The following ZNF540 variants were observed in gnomAD, a reference collection of about 807,000 sequenced individuals.
ZNF540 encodes zinc finger protein 540, also known as CTD-3064H18.6.
A neutral mutation model predicts 11.8 loss-of-function variants in ZNF540; 3 were observed. The observed-to-expected ratio is 0.25, with a 90% CI of 0.12 to 0.65. The LOEUF (loss-of-function observed/expected upper bound fraction) is 0.65, where lower values mean the gene tolerates loss of function less well. Ranked by LOEUF, ZNF540 falls within the 30% of genes least tolerant of loss-of-function variation. ZNF540 has a pLI of 0.83. For missense variants in ZNF540, 709 were observed against 793.1 expected (o/e 0.89, Z 1.27); for synonymous variants, 247 against 259.0 (o/e 0.95, Z 0.45).
intron 3 of ZNF540, among the ~76,000 whole-genome samples, chr19:37,600,073 G>A (rs2044027202): frequency 6.6e-6 from 1 of 152,176 alleles, no homozygotes; most frequent in South Asian, 2.1e-4. Context: ...TTGCATTTGA[G>A]CTCAGAATTG....
intron 4 of ZNF540, among the ~76,000 whole-genome samples, chr19:37,609,063 T>G (rs986616887): frequency 6.6e-6 from 1 of 152,230 alleles, no homozygotes; most frequent in Non-Finnish European, 1.5e-5. Flanking sequence ...CTTCATACTA[T>G]TCAGTTACTC....
chr19:37,609,413 G>A (rs2044110452), intron 4 of ZNF540, among the ~76,000 whole-genome samples: 1 of 151,826 alleles, frequency 6.6e-6, no homozygotes, highest in African/African-American at 2.4e-5. Flanking sequence ...GCGTGGTGGT[G>A]GGTGCCTGTT....
Position 37,612,031 on chromosome 19 carries a change from AC to A in ZNF540, c.753del (p.Phe252LeufsTer33). 1 of 1,613,342 alleles carries A rather than the reference AC, an allele frequency of 6.2e-7. No individual in the cohort carries two copies. The highest frequency in any genetic ancestry group is 8.5e-7 in the Non-Finnish European group (1 of 1,179,798). Reference protein sequence around the residue: ...KPYECQECGKTFTLYPQLNRH... With the variant: ...KPYECQECGKXFTLYPQLNRH... Reference sequence around the variant, plus strand: ...CTATGAATGTCAAGAATGTGGGAAGACCTTTACTCTTTACCCACAACTTAAT... The same window carrying A: ...CTATGAATGTCAAGAATGTGGGAAGACTTTACTCTTTACCCACAACTTAAT... On this transcript the variant is annotated frameshift_variant, in exon 5 of 5. Coordinates refer to ENST00000316433, the MANE Select transcript of ZNF540 (RefSeq NM_001172225.3). LOFTEE classifies it low-confidence loss of function (END_TRUNC).
At chr19:37,570,882 CAT>C in intron 1 of ZNF540, among the ~76,000 whole-genome samples, 1 of 151,874 alleles carries the variant, frequency 6.6e-6, no homozygotes, top group East Asian at 1.9e-4. Context: ...TTACCAAAAG[CAT>C]ATGTAGAAGC....
intron 4 of ZNF540, among the ~76,000 whole-genome samples, chr19:37,601,641 T>G (rs1025619379): frequency 1.3e-5 from 2 of 152,020 alleles, no homozygotes; most frequent in African/African-American, 2.4e-5. Flanking sequence ...CTATGAAGGG[T>G]AAAGAGATAG....
chr19:37,612,704 CCTTT>C lies in ZNF540; in HGVS notation c.1426_1429del (p.Phe476GlufsTer16). The C allele has an allele frequency of 6.2e-7, 1 of 1,614,110 alleles. No individual in the cohort carries two copies. Among genetic ancestry groups the C allele is most frequent in the African/African-American group, 1.3e-5 (1 of 75,034 alleles). Reference sequence around the variant, plus strand: ...TACGAATGTAAGGAATGTGGGAAGACCTTTCGAGTTCGTTCTCAAATTAGTCTAC... The same window carrying C: ...TACGAATGTAAGGAATGTGGGAAGACCGAGTTCGTTCTCAAATTAGTCTAC... On this transcript the variant is annotated frameshift_variant, in exon 5 of 5. Transcript: ENST00000316433. LOFTEE classifies it low-confidence loss of function (END_TRUNC).
At chr19:37,598,305 A>C in intron 1 of ZNF540, 71 bp from the exon 2 acceptor site, 1 of 759,208 alleles carries the variant, frequency 1.3e-6, no homozygotes, top group Non-Finnish European at 2.2e-6. Context: ...AAAGATTATT[A>C]ATTTATATCA....
At chr19:37,604,263 G>A (rs894269790) in intron 4 of ZNF540, among the ~76,000 whole-genome samples, 4 of 130,916 alleles carry the variant, frequency 3.1e-5, no homozygotes, top group African/African-American at 1.1e-4. Flanking sequence ...ATTTTGTTTA[G>A]AGCATTACAT....
chr19:37,556,230 T>A (rs1248775698), intron 1 of ZNF540: 1 of 646,360 alleles, frequency 1.5e-6, no homozygotes, highest in Non-Finnish European at 2.8e-6. Context: ...CCAAGTGGTG[T>A]TTGCAAATAC....
rs140599179 is a variant in ZNF540, at chr19:37,611,998, G to A, written c.718G>A (p.Glu240Lys). 1 of 1,613,636 alleles carries A rather than the reference G, an allele frequency of 6.2e-7. No homozygotes were observed. The highest frequency in any genetic ancestry group is 1.1e-5 in the South Asian group (1 of 91,052). ...LTLHQRFHTGEKPYECQECGK... is the reference protein window; with the variant it reads ...LTLHQRFHTGKKPYECQECGK... ...TCTGCATCAGAGATTTCATACTGGT[G>A]AGAAACCCTATGAATGTCAAGAATG... Residue 240 changes from glutamate to lysine, a missense_variant, in exon 5 of 5, where the codon GAG becomes AAG. Transcript: ENST00000316433.
upstream of ZNF540, among the ~76,000 whole-genome samples, chr19:37,590,539 CTATAGT>C (rs2043839426): frequency 6.6e-6 from 1 of 152,072 alleles, no homozygotes; most frequent in Admixed American, 6.5e-5. Context: ...AATAAATGAA[CTATAGT>C]TATAGTCCCC....
chr19:37,589,628 C>T (rs1307893804), intron 1 of ZNF540, among the ~76,000 whole-genome samples: 2 of 151,868 alleles, frequency 1.3e-5, no homozygotes, highest in African/African-American at 4.8e-5. Context: ...GAAGATACAC[C>T]TATCAGATCT....
In ZNF540 at chr19:37,612,009, T is replaced by C. The variant is rs553343001; in HGVS notation, c.729T>C (p.Tyr243=). ...HQRFHTGEKP[Y]ECQECGKTFT... is the part of the protein sequence containing the mutation. ...GATTTCATACTGGTGAGAAACCCTA[T>C]GAATGTCAAGAATGTGGGAAGACCT... The change falls in exon 5 of 5, where the codon TAT becomes TAC. Residue 243 remains tyrosine, a synonymous_variant. Coordinates refer to ENST00000316433, the MANE Select transcript of ZNF540 (RefSeq NM_001172225.3). 2 of 1,613,738 alleles carry C rather than the reference T, an allele frequency of 1.2e-6. No individual in the cohort carries two copies. Among genetic ancestry groups the C allele is most frequent in the East Asian group, 2.2e-5 (1 of 44,826 alleles).
Position 37,611,560 on chromosome 19 carries a change from A to G in ZNF540, c.280A>G (p.Ile94Val). 6.2e-7 allele frequency: 1 copy of G among 1,608,456 alleles called. No individual in the cohort carries two copies. The highest frequency in any genetic ancestry group is 2.2e-5 in the East Asian group (1 of 44,778). ...KTKKLSSEKD[I>V]HEISLSKESI... ...CAAGAAATTATCTTCAGAAAAGGACATTCATGAAATCAGTTTATCCAAAGA... is the reference window on the plus strand; with the variant it reads ...CAAGAAATTATCTTCAGAAAAGGACGTTCATGAAATCAGTTTATCCAAAGA... The change falls in exon 5 of 5, where the codon ATT (isoleucine) becomes GTT (valine). Residue 94 changes from isoleucine (I) to valine (V), a missense_variant. Ile to Val is a conservative substitution (Grantham distance 29, BLOSUM62 3). Transcript: ENST00000316433.
Position 37,611,896 on chromosome 19 carries a change from C to G in ZNF540, c.616C>G (p.Gln206Glu). The change falls in exon 5 of 5, where the codon CAG becomes GAG. Residue 206 changes from glutamine (Q) to glutamate (E), a missense_variant. Coordinates refer to ENST00000316433, the MANE Select transcript of ZNF540 (RefSeq NM_001172225.3). The part of the protein sequence containing the change: ...FNNVYQLTLH[Q>E]KIHTGEKSCK... ...TAATGTCTATCAGCTTACTCTCCAT[C>G]AGAAAATTCATACTGGTGAAAAATC... 1 of 1,613,774 alleles carries G rather than the reference C, an allele frequency of 6.2e-7. No homozygotes were observed. The highest frequency in any genetic ancestry group is 8.5e-7 in the Non-Finnish European group (1 of 1,179,946).
At chr19:37,584,507 A>G (rs1310970881) in intron 1 of ZNF540, among the ~76,000 whole-genome samples, 1 of 152,176 alleles carries the variant, frequency 6.6e-6, no homozygotes, top group Admixed American at 6.5e-5. Context: ...TTTTTTTCCA[A>G]ACAATGTTTA....
chr19:37,584,588 GTTATA>G (rs1302919097), intron 1 of ZNF540, among the ~76,000 whole-genome samples: 3 of 152,104 alleles, frequency 2.0e-5, no homozygotes, highest in Admixed American at 1.3e-4. Flanking sequence ...GATTCATCAA[GTTATA>G]TTATGTCACA....
At chr19:37,608,583 A>C (rs1366170910) in intron 4 of ZNF540, among the ~76,000 whole-genome samples, 1 of 151,894 alleles carries the variant, frequency 6.6e-6, no homozygotes, top group East Asian at 1.9e-4. Flanking sequence ...TTTTCCTTCT[A>C]ATTTTTTGTT....
rs372334143 is a variant in ZNF540 at position 37,600,991 on chromosome 19, A to C, written c.137-19A>C. 10 of 1,544,652 alleles carry C rather than the reference A, an allele frequency of 6.5e-6. No individual in the cohort carries two copies. In the Admixed American group the frequency reaches 7.8e-5, roughly 12 times the overall value. On this transcript the variant is annotated intron_variant, in intron 3 of 4. Coordinates refer to ENST00000316433, the MANE Select transcript of ZNF540 (RefSeq NM_001172225.3). ...ATGTTTTATTTCTATATATTCTTTTATTTCTTTCTTGTAAGCAGGATATTC... is the reference window on the plus strand; with the variant it reads ...ATGTTTTATTTCTATATATTCTTTTCTTTCTTTCTTGTAAGCAGGATATTC...
Sources: allele counts gnomAD v4.1 joint callset (sites outside exome capture counted in the v4.1 genomes callset), GRCh38; gene constraint gnomAD v4.1.1; transcripts MANE v1.5; gene names NCBI Gene and HGNC (gene_info 2026-07-23, HGNC 2026-07-21).